CHD7: variants seen among roughly 807,000 people sequenced by gnomAD.
CHD7 encodes the protein ATP-dependent chromatin remodeler CHD7.
CHD7 carries 24 observed loss-of-function variants against 307.3 expected under a neutral mutation model. That is an observed-to-expected ratio of 0.08 (90% confidence interval 0.06 to 0.11). The LOEUF is 0.11. Among genes scored for constraint, CHD7 ranks in the 10% least tolerant of loss-of-function variants. CHD7 has a pLI of 1.00. For synonymous variants in CHD7, 1,363 were observed against 1,349.9 expected (o/e 1.01, Z -0.21); for missense variants, 3,106 against 3,727.1 (o/e 0.83, Z 4.34).
intron 2 of CHD7, among the ~76,000 whole-genome samples, chr8:60,774,087 G>C (rs1006117389): frequency 6.6e-6 from 1 of 152,108 alleles, no homozygotes; most frequent in Non-Finnish European, 1.5e-5. Flanking sequence ...CTACAACTAG[G>C]GTTGGAGAAC....
At chr8:60,777,075 G>A (rs1241588731) in intron 2 of CHD7, among the ~76,000 whole-genome samples, 1 of 152,174 alleles carries the variant, frequency 6.6e-6, no homozygotes, top group African/African-American at 2.4e-5. Context: ...GAGAGCACAA[G>A]TGCCTCCTCC....
chr8:60,806,340 A>C (rs535867898), intron 6 of CHD7, among the ~76,000 whole-genome samples: 1 of 152,026 alleles, frequency 6.6e-6, no homozygotes, highest in African/African-American at 2.4e-5. Context: ...TCCAGCCTGG[A>C]TGACAGAGCA....
intron 2 of CHD7, among the ~76,000 whole-genome samples, chr8:60,752,587 C>A (rs1410031752): frequency 6.6e-6 from 1 of 152,064 alleles, no homozygotes; most frequent in Non-Finnish European, 1.5e-5. Context: ...AGGTATGTAT[C>A]TAAATGTGCT....
intron 2 of CHD7, among the ~76,000 whole-genome samples, chr8:60,778,568 TA>T (rs1811060744): frequency 6.6e-6 from 1 of 152,232 alleles, no homozygotes; most frequent in Non-Finnish European, 1.5e-5. Context: ...GGTGTTCTGT[TA>T]CTGGAGCAAA....
chr8:60,679,291 C>G (rs953712996), intron 1 of CHD7, among the ~76,000 whole-genome samples: 4 of 146,664 alleles, frequency 2.7e-5, no homozygotes, highest in African/African-American at 7.4e-5. Context: ...CCGGCGTCGC[C>G]GCCCGCGGGG....
Position 60,821,606 on chromosome 8 carries a change from A to G in CHD7, c.2698-184A>G, listed in dbSNP as rs184829186. Among the ~76,000 whole-genome samples the G allele has an allele frequency of 2.8e-4, 43 of 151,004 alleles. 1 individual carries two copies. The East Asian group carries it at 7.9e-3, about 28-fold the overall frequency. ...TATAAGCATATATACACACATACAT[A>G]TGTATAAACATATATATACATATGT... On this transcript the variant is annotated intron_variant, in intron 9 of 37. Coordinates refer to ENST00000423902, the MANE Select transcript of CHD7 (RefSeq NM_017780.4).
chr8:60,835,407 G>A (rs977481384), intron 15 of CHD7, among the ~76,000 whole-genome samples: 1 of 152,208 alleles, frequency 6.6e-6, no homozygotes, highest in Admixed American at 6.5e-5. Context: ...AATTTTAAAA[G>A]ATTTGGATAG....
intron 26 of CHD7, 55 bp downstream of exon 26, chr8:60,850,677 G>A: frequency 1.9e-6 from 3 of 1,550,088 alleles, no homozygotes; most frequent in South Asian, 2.4e-5. Context: ...CACATCTATT[G>A]GCAGGGTTCA....
chr8:60,776,230 G>A (rs1255422247), intron 2 of CHD7, among the ~76,000 whole-genome samples: 2 of 152,056 alleles, frequency 1.3e-5, no homozygotes, highest in Admixed American at 6.5e-5. Context: ...AAACTAACTG[G>A]CATATCAAAA....
At chr8:60,726,274 CT>C (rs1808153247) in intron 1 of CHD7, among the ~76,000 whole-genome samples, 1 of 152,192 alleles carries the variant, frequency 6.6e-6, no homozygotes, top group African/African-American at 2.4e-5. Flanking sequence ...AATTGTGAAG[CT>C]AGTAAAGTTA....
chr8:60,778,859 G>C (rs899548209), intron 2 of CHD7, among the ~76,000 whole-genome samples: 1 of 152,200 alleles, frequency 6.6e-6, no homozygotes, highest in Non-Finnish European at 1.5e-5. Context: ...TTGATACTTA[G>C]GTAGTGATAA....
intron 1 of CHD7, among the ~76,000 whole-genome samples, chr8:60,726,880 G>A (rs888313742): frequency 6.6e-6 from 1 of 152,108 alleles, no homozygotes; most frequent in Non-Finnish European, 1.5e-5. Context: ...AGGGGGTTCT[G>A]CCTCTCCTAT....
chr8:60,717,687 A>G (rs544903503), intron 1 of CHD7, among the ~76,000 whole-genome samples: 61 of 152,290 alleles, frequency 4.0e-4, no homozygotes, highest in African/African-American at 1.4e-3. Context: ...GGCCACATAT[A>G]CAACAGTGGT....
chr8:60,852,171 C>G lies in CHD7; in HGVS notation c.5818C>G (p.Arg1940Gly), dbSNP rs752539596. The G allele has an allele frequency of 1.2e-6, 2 of 1,613,838 alleles. No individual in the cohort carries two copies. Among genetic ancestry groups the G allele is most frequent in the Non-Finnish European group, 8.5e-7 (1 of 1,179,878 alleles). ...RQEALMKTDRRRRRPREEVRA... is the reference protein window; with the variant it reads ...RQEALMKTDRGRRRPREEVRA... ...AGAGGCCCTAATGAAGACTGACCGGCGCAGACGGCGGCCTCGAGAGGAAGT... is the reference window on the plus strand; with the variant it reads ...AGAGGCCCTAATGAAGACTGACCGGGGCAGACGGCGGCCTCGAGAGGAAGT... The change falls in exon 29 of 38, where the codon CGC (arginine) becomes GGC (glycine). Residue 1940 changes from arginine to glycine, a missense_variant. By Grantham distance (125) the Arg-to-Gly change is moderately radical. Coordinates refer to ENST00000423902, the MANE Select transcript of CHD7 (RefSeq NM_017780.4).
intron 1 of CHD7, among the ~76,000 whole-genome samples, chr8:60,698,381 C>T (rs939135708): frequency 6.6e-6 from 1 of 152,024 alleles, no homozygotes; most frequent in Non-Finnish European, 1.5e-5. Context: ...AGAGAATCCT[C>T]CTCCACCAGC....
chr8:60,815,754 A>G (rs1043569012), intron 7 of CHD7, among the ~76,000 whole-genome samples: 1 of 152,180 alleles, frequency 6.6e-6, no homozygotes, highest in African/African-American at 2.4e-5. Flanking sequence ...CCAGGAACTG[A>G]TAAGAAGCTG....
chr8:60,806,092 G>A (rs1223092213), intron 6 of CHD7, among the ~76,000 whole-genome samples: 4 of 152,292 alleles, frequency 2.6e-5, no homozygotes, highest in African/African-American at 7.2e-5. Flanking sequence ...GCTGGGCGCA[G>A]TGGTTCAAGC....
intron 1 of CHD7, among the ~76,000 whole-genome samples, chr8:60,702,435 CTT>C (rs1806810809): frequency 6.6e-6 from 1 of 152,072 alleles, no homozygotes; most frequent in Non-Finnish European, 1.5e-5. Context: ...TCTTATAGCT[CTT>C]GTTTTGGTTT....
chr8:60,818,305 C>G (rs1248159322), intron 8 of CHD7, among the ~76,000 whole-genome samples: 7 of 152,174 alleles, frequency 4.6e-5, no homozygotes, highest in Non-Finnish European at 7.4e-5. Flanking sequence ...ATCATTTAGA[C>G]TGGAAATTTC....
Sources: allele counts gnomAD v4.1 joint callset (sites outside exome capture counted in the v4.1 genomes callset), GRCh38; gene constraint gnomAD v4.1.1; transcripts MANE v1.5; gene names NCBI Gene and HGNC (gene_info 2026-07-23, HGNC 2026-07-21).